The following DNAH6 variants were observed in gnomAD, a reference collection of about 807,000 sequenced individuals.
DNAH6 encodes the protein dynein axonemal heavy chain 6, also known as axonemal beta dynein heavy chain 6.
A neutral mutation model predicts 491.4 loss-of-function variants in DNAH6; 340 were observed. That is an observed-to-expected ratio of 0.69 (90% CI 0.63 to 0.76). The LOEUF is 0.76. Ranked by LOEUF, DNAH6 falls within the 30% of genes least tolerant of loss-of-function variation. DNAH6 has a pLI of 0.00. For missense variants in DNAH6, 4,443 were observed against 4,972.2 expected (o/e 0.89, Z 3.20); for synonymous variants, 1,603 against 1,686.1 (o/e 0.95, Z 1.21).
the DNAH6 span, among the ~76,000 whole-genome samples, chr2:84,510,217 A>G: frequency 1.3e-5 from 2 of 152,234 alleles, no homozygotes; most frequent in Non-Finnish European, 2.9e-5. Context: ...TACAAAAATC[A>G]GACGTAGATT....
intron 68 of DNAH6, among the ~76,000 whole-genome samples, chr2:84,793,188 C>CCA (rs142585668): frequency 1.3e-5 from 2 of 150,730 alleles, no homozygotes; most frequent in African/African-American, 2.5e-5. Flanking sequence ...GTGGACACCA[C>CCA]CACACACACA....
chr2:84,714,665 CA>C (rs34509276), intron 57 of DNAH6, among the ~76,000 whole-genome samples: 3 of 151,640 alleles, frequency 2.0e-5, no homozygotes, highest in Admixed American at 2.0e-4. Flanking sequence ...ATACCACCTC[CA>C]AAAAAGAAGT....
chr2:84,794,949 C>A (rs1454542834), intron 68 of DNAH6, among the ~76,000 whole-genome samples: 1 of 151,404 alleles, frequency 6.6e-6, no homozygotes, highest in Non-Finnish European at 1.5e-5. Flanking sequence ...CAATGATACA[C>A]TGGATTAAGA....
upstream of DNAH6, among the ~76,000 whole-genome samples, chr2:84,516,153 T>TA (rs1675573268): frequency 6.6e-6 from 1 of 152,232 alleles, no homozygotes. Context: ...AAGTCAGTCT[T>TA]ACGCCTCTTG....
intron 13 of DNAH6, among the ~76,000 whole-genome samples, chr2:84,577,890 T>A (rs957366912): frequency 1.3e-5 from 2 of 152,256 alleles, no homozygotes; most frequent in Admixed American, 1.3e-4. Flanking sequence ...AGTATACTTG[T>A]GTCTTCCCAA....
Position 84,669,294 on chromosome 2 carries a change from C to T in DNAH6, c.6090C>T (p.Pro2030=), listed in dbSNP as rs17025400. ...TGTTTAATTTTGTACTTTAGCTTCC[C>T]AATTCTGGTGATCTGTGGAGCATTC... The part of the protein sequence containing the change: ...QFDDNPDARL[P]NSGDLWSIHM... Residue 2030 remains proline, a synonymous_variant, in exon 38 of 77, where the codon CCC becomes CCT. Coordinates refer to ENST00000389394, the MANE Select transcript of DNAH6 (RefSeq NM_001370.2). 5 of 1,549,756 alleles carry T rather than the reference C, an allele frequency of 3.2e-6. No homozygotes were observed. The African/African-American group carries it at 6.9e-5, about 21-fold the overall frequency.
At chr2:84,540,175 G>A (rs1678107653) in intron 4 of DNAH6, among the ~76,000 whole-genome samples, 1 of 152,094 alleles carries the variant, frequency 6.6e-6, no homozygotes, top group South Asian at 2.1e-4. Flanking sequence ...AGAAGCAGGA[G>A]GTAACAGGGA....
At chr2:84,633,094 T>A (rs763710369) in intron 29 of DNAH6, among the ~76,000 whole-genome samples, 1 of 152,206 alleles carries the variant, frequency 6.6e-6, no homozygotes, top group Non-Finnish European at 1.5e-5. Flanking sequence ...ATAGAATGTA[T>A]GCACACGGAG....
chr2:84,675,803 C>T (rs907337368), intron 40 of DNAH6, among the ~76,000 whole-genome samples: 1 of 152,088 alleles, frequency 6.6e-6, no homozygotes, highest in Non-Finnish European at 1.5e-5. Context: ...GGACCACAGG[C>T]GCATGCCACC....
chr2:84,696,909 A>G (rs1347516820), intron 46 of DNAH6, among the ~76,000 whole-genome samples: 1 of 152,162 alleles, frequency 6.6e-6, no homozygotes, highest in African/African-American at 2.4e-5. Context: ...ACAATAATAA[A>G]TGTGGGATAA....
intron 10 of DNAH6, among the ~76,000 whole-genome samples, chr2:84,554,927 A>G (rs79072871): frequency 0.029 from 4,374 of 152,314 alleles, 229 homozygotes; most frequent in African/African-American, 0.099. Context: ...ATTTCCTATT[A>G]TAGGACCCTG....
At chr2:84,597,637 G>A (rs1684730561) in intron 18 of DNAH6, among the ~76,000 whole-genome samples, 1 of 152,180 alleles carries the variant, frequency 6.6e-6, no homozygotes, top group Non-Finnish European at 1.5e-5. Flanking sequence ...GAAAACGTGT[G>A]TTCACGCAGA....
the DNAH6 span, among the ~76,000 whole-genome samples, chr2:84,460,659 A>G: frequency 1.3e-5 from 2 of 152,102 alleles, no homozygotes; most frequent in Non-Finnish European, 2.9e-5. Context: ...CGTTGAATTG[A>G]ATTGATATAT....
At chr2:84,560,060 A>G (rs1680484120) in intron 11 of DNAH6, among the ~76,000 whole-genome samples, 1 of 152,214 alleles carries the variant, frequency 6.6e-6, no homozygotes. Flanking sequence ...CAAAGAAGAA[A>G]TAACATACAT....
chr2:84,759,907 A>G (rs1674404900), intron 63 of DNAH6, among the ~76,000 whole-genome samples: 1 of 152,154 alleles, frequency 6.6e-6, no homozygotes, highest in South Asian at 2.1e-4. Flanking sequence ...AAGTGCTGAC[A>G]TCAAATTATA....
rs1676326914 is a variant in DNAH6, at chr2:84,778,105, G to C, written c.10704-3388G>C. 5 of 799,690 alleles carry C rather than the reference G, an allele frequency of 6.3e-6. No individual in the cohort carries two copies. In the East Asian group the frequency reaches 1.2e-4, roughly 19 times the overall value. 49.5% of individuals were successfully genotyped at this position (799,690 alleles called of 1,614,324 possible). A position where few individuals can be genotyped will look rare whatever the true frequency, so the allele number is the denominator to read the frequency against. Reference sequence around the variant, plus strand: ...TATCTTCCAGTTAAACTGCCCGTCAGTTGTGGCATGGCACAGGCCATGCCA... The same window carrying C: ...TATCTTCCAGTTAAACTGCCCGTCACTTGTGGCATGGCACAGGCCATGCCA... On this transcript the variant is annotated intron_variant, in intron 64 of 76. Transcript: ENST00000389394.
At chr2:84,753,864 C>T (rs1183010316) in intron 63 of DNAH6, among the ~76,000 whole-genome samples, 2 of 135,818 alleles carry the variant, frequency 1.5e-5, no homozygotes, top group African/African-American at 2.8e-5. Flanking sequence ...CTCACTCTGT[C>T]GCCAGGCCGG....
At chr2:84,719,113 A>C (rs1697838209) in intron 59 of DNAH6, among the ~76,000 whole-genome samples, 3 of 152,236 alleles carry the variant, frequency 2.0e-5, no homozygotes, top group African/African-American at 7.2e-5. Context: ...AACCAGAAAC[A>C]CATAGGTTAT....
intron 9 of DNAH6, among the ~76,000 whole-genome samples, chr2:84,552,324 C>A (rs1482150076): frequency 6.6e-6 from 1 of 152,062 alleles, no homozygotes; most frequent in Non-Finnish European, 1.5e-5. Flanking sequence ...CCTATGGGAA[C>A]AATAATGGAA....
Sources: allele counts gnomAD v4.1 joint callset (sites outside exome capture counted in the v4.1 genomes callset), GRCh38; gene constraint gnomAD v4.1.1; transcripts MANE v1.5; gene names NCBI Gene and HGNC (gene_info 2026-07-23, HGNC 2026-07-21).